Variants in PFKFB3 observed in about 807,000 individuals in gnomAD.
PFKFB3 encodes 6-phosphofructo-2-kinase/fructose-2,6-bisphosphatase 3.
In PFKFB3, 33 loss-of-function variants were observed where a neutral mutation model predicts 68.0. The ratio of observed to expected loss-of-function variants is 0.49; its 90% confidence interval spans 0.37 to 0.65. The LOEUF is 0.65. Ranked by LOEUF, PFKFB3 falls within the 30% of genes least tolerant of loss-of-function variation. The pLI is 0.00. For synonymous variants in PFKFB3, 315 were observed against 288.2 expected (o/e 1.09, Z -0.94); for missense variants, 586 against 712.2 (o/e 0.82, Z 2.02).
At chr10:6,311,354 CTGCCACCTGTGG>C in the PFKFB3 span, among the ~76,000 whole-genome samples, 1 of 152,194 alleles carries the variant, frequency 6.6e-6, no homozygotes, top group Non-Finnish European at 1.5e-5. Flanking sequence ...AGTTCTGTTC[CTGCCACCTGTGG>C]CCTTTTGCTC....
chr10:6,161,058 C>T (rs893417002), intron 1 of PFKFB3, among the ~76,000 whole-genome samples: 1 of 152,078 alleles, frequency 6.6e-6, no homozygotes, highest in Non-Finnish European at 1.5e-5. Context: ...GCCTCAGACT[C>T]CCGAGTAGCT....
At position 6,203,326 on chromosome 10, in the gene PFKFB3, G is replaced by A. The variant is rs750180429; in HGVS notation, c.66G>A (p.Ser22=). ...GGGTGCCCGTGGACCACAGGCCCTC[G>A]TTGCCCAGATGTGAGTGCAGCTGCG... ...KIWVPVDHRP[S]LPRSCGPKLT... Residue 22 remains serine (S), a synonymous_variant, in exon 1 of 15, where the codon TCG becomes TCA. Coordinates refer to ENST00000379775, the MANE Select transcript of PFKFB3 (RefSeq NM_004566.4). 6.2e-7 allele frequency: 1 copy of A among 1,608,460 alleles called. No homozygotes were observed. The highest frequency in any genetic ancestry group is 1.7e-5 in the Admixed American group (1 of 59,700).
At chr10:6,265,863 CAGG>C in the PFKFB3 span, among the ~76,000 whole-genome samples, 1 of 152,030 alleles carries the variant, frequency 6.6e-6, no homozygotes, top group South Asian at 2.1e-4. Flanking sequence ...ATTCTGCTGT[CAGG>C]AGGAGACTTC....
the PFKFB3 span, among the ~76,000 whole-genome samples, chr10:6,295,935 G>A: frequency 6.6e-6 from 1 of 152,168 alleles, no homozygotes; most frequent in Non-Finnish European, 1.5e-5. Flanking sequence ...CAATTCTCAA[G>A]CTAGTTTACA....
At chr10:6,210,302 G>T (rs78406644) in intron 1 of PFKFB3, among the ~76,000 whole-genome samples, 7,085 of 116,326 alleles carry the variant, frequency 0.061, 1,825 homozygotes, top group East Asian at 0.18. Flanking sequence ...TGAAGGGAGG[G>T]ACAGGTGCAA....
At chr10:6,237,647 C>T (rs1252417869), downstream of PFKFB3, among the ~76,000 whole-genome samples, 1 of 152,140 alleles carries the variant, frequency 6.6e-6, no homozygotes, top group Non-Finnish European at 1.5e-5. Flanking sequence ...CTCACTGCAA[C>T]CTCCGTCTCC....
intron 1 of PFKFB3, among the ~76,000 whole-genome samples, chr10:6,183,513 G>T (rs1842776190): frequency 6.6e-6 from 1 of 151,508 alleles, no homozygotes; most frequent in Non-Finnish European, 1.5e-5. Flanking sequence ...GTCTGGCCTG[G>T]TGTGGTGGCT....
chr10:6,295,699 C>T, the PFKFB3 span, among the ~76,000 whole-genome samples: 1 of 152,166 alleles, frequency 6.6e-6, no homozygotes, highest in East Asian at 1.9e-4. Context: ...CTTGGTAAAA[C>T]CCCAGTAGGT....
the PFKFB3 span, among the ~76,000 whole-genome samples, chr10:6,307,022 T>G: frequency 7.9e-5 from 12 of 152,302 alleles, no homozygotes; most frequent in East Asian, 2.3e-3. Context: ...CCACCCTCCC[T>G]GATGTGGGTG....
In PFKFB3 at chr10:6,224,231, G is replaced by A. The variant is rs1379506244; in HGVS notation, c.1341+18G>A. On this transcript the variant is annotated intron_variant, in intron 13 of 14. Transcript: ENST00000379775. ...GGTCAGAGGTGAGTGGAGGCCCCAA[G>A]CCTCATCCTGGCCATCATCACACGA... The A allele has an allele frequency of 1.9e-6, 3 of 1,612,308 alleles. No individual in the cohort carries two copies. The highest frequency in any genetic ancestry group is 1.7e-6 in the Non-Finnish European group (2 of 1,179,044).
chr10:6,269,893 G>T, the PFKFB3 span, among the ~76,000 whole-genome samples: 1 of 152,108 alleles, frequency 6.6e-6, no homozygotes, highest in African/African-American at 2.4e-5. Context: ...CACTTTGGGA[G>T]GCTGAGGCAG....
At chr10:6,211,423 C>T (rs1022843346) in intron 1 of PFKFB3, among the ~76,000 whole-genome samples, 3 of 152,112 alleles carry the variant, frequency 2.0e-5, no homozygotes, top group Admixed American at 6.5e-5. Context: ...AGCAGCGGTG[C>T]AGTGGGGACA....
chr10:6,257,836 C>T (rs575517022), downstream of PFKFB3, among the ~76,000 whole-genome samples: 17 of 152,200 alleles, frequency 1.1e-4, no homozygotes, highest in African/African-American at 3.9e-4. Flanking sequence ...GGTCTGGCAC[C>T]CACCTGATCC....
intron 1 of PFKFB3, among the ~76,000 whole-genome samples, chr10:6,149,413 C>A (rs147487472): frequency 0.044 from 6,685 of 151,730 alleles, 201 homozygotes; most frequent in East Asian, 0.1. Flanking sequence ...ATGGTGAAAC[C>A]CTGTCTCTAC....
chr10:6,199,030 A>C (rs12256901), upstream of PFKFB3, among the ~76,000 whole-genome samples: 5,115 of 152,314 alleles, frequency 0.034, 251 homozygotes, highest in African/African-American at 0.11. Flanking sequence ...GTGAGTTACA[A>C]ATAATTTATT....
At chr10:6,178,595 G>T (rs560336028) in intron 1 of PFKFB3, among the ~76,000 whole-genome samples, 6 of 152,280 alleles carry the variant, frequency 3.9e-5, no homozygotes, top group African/African-American at 9.6e-5. Context: ...CCGCCCCACG[G>T]GTCCCTCCTG....
rs1246141544 is a variant in PFKFB3 at position 6,160,995 on chromosome 10, G to C, written c.16+15982G>C. ...TTGAAGCCCAGGCTGGAGTGGAATG[G>C]TGTGATCTTGGCTCACTGCAACCTC... On this transcript the variant is annotated intron_variant, in intron 1 of 14. Coordinates refer to the PFKFB3 transcript ENST00000379789. 2.0e-5 allele frequency among the ~76,000 whole-genome samples: 3 copies of C among 151,944 alleles called. No homozygotes were observed. In the East Asian group the frequency reaches 5.8e-4, roughly 29 times the overall value.
At chr10:6,262,182 T>C in the PFKFB3 span, among the ~76,000 whole-genome samples, 82 of 151,904 alleles carry the variant, frequency 5.4e-4, no homozygotes, top group East Asian at 3.9e-3. Context: ...TGGCCGGGCG[T>C]GGTGGCTCAC....
At chr10:6,192,664 CGTGTGTGTGTGTGTGTGTGT>C (rs34129264) in intron 1 of PFKFB3, among the ~76,000 whole-genome samples, 28 of 128,792 alleles carry the variant, frequency 2.2e-4, no homozygotes, top group African/African-American at 4.8e-4. Flanking sequence ...TCCCCTCACC[CGTGTGTGTGTGTGTGTGTGT>C]GTGTGTGTGT....
Sources: allele counts gnomAD v4.1 joint callset (sites outside exome capture counted in the v4.1 genomes callset), GRCh38; gene constraint gnomAD v4.1.1; transcripts MANE v1.5; gene names NCBI Gene and HGNC (gene_info 2026-07-23, HGNC 2026-07-21).